Variants in HERC3 observed in about 807,000 individuals in gnomAD.
HERC3 encodes the protein HECT and RLD domain containing E3 ubiquitin protein ligase 3.
Under a neutral mutation model 129.9 loss-of-function variants are expected in HERC3, and 58 were observed. The ratio of observed to expected loss-of-function variants is 0.45; its 90% confidence interval spans 0.36 to 0.56. The LOEUF (loss-of-function observed/expected upper bound fraction) is 0.56, where lower values mean the gene tolerates loss of function less well. Ranked by LOEUF, HERC3 falls within the 20% of genes least tolerant of loss-of-function variation. The pLI is 0.00. For synonymous variants in HERC3, 430 were observed against 451.0 expected, an observed-to-expected ratio of 0.95 and a Z score of 0.59; for missense variants, 835 against 1,244.2, an observed-to-expected ratio of 0.67 and a Z score of 4.95.
At chr4:88,693,398 C>A (rs1230166386) in intron 23 of HERC3, 2 of 972,668 alleles carry the variant, frequency 2.1e-6, no homozygotes, top group Non-Finnish European at 2.4e-6. Flanking sequence ...GTCATTATCA[C>A]CATTTCATCC....
chr4:88,524,946 C>A, the HERC3 span: 2 of 152,062 alleles, frequency 1.3e-5, no homozygotes, highest in Admixed American at 6.5e-5. Flanking sequence ...TTCTCTTCCA[C>A]TCCAATGTAA....
chr4:88,617,906 G>A (rs1251387684), intron 3 of HERC3, among the ~76,000 whole-genome samples: 1 of 151,888 alleles, frequency 6.6e-6, no homozygotes, highest in Non-Finnish European at 1.5e-5. Flanking sequence ...AGGGAGTGCA[G>A]AAAAGTGGGG....
Position 88,669,841 on chromosome 4 carries a change from C to G in HERC3, c.1634-19C>G, listed in dbSNP as rs747791459. 5.6e-6 allele frequency: 9 copies of G among 1,601,940 alleles called. No individual in the cohort carries two copies. The African/African-American group carries it at 9.4e-5, about 17-fold the overall frequency. ...CCCAAGATTACATGTTGAAATATGT[C>G]TTTTCTTTCTTTCTAAAGATAACTG... On this transcript the variant is annotated intron_variant, in intron 14 of 25. Transcript: ENST00000402738.
intron 3 of HERC3, among the ~76,000 whole-genome samples, chr4:88,608,146 G>T (rs568193233): frequency 1.3e-4 from 20 of 152,124 alleles, no homozygotes; most frequent in Non-Finnish European, 2.8e-4. Context: ...ATGTTCCGTA[G>T]TTTCCCTGCC....
intron 3 of HERC3, among the ~76,000 whole-genome samples, chr4:88,645,148 G>T (rs1422851810): frequency 6.6e-6 from 1 of 152,138 alleles, no homozygotes; most frequent in Non-Finnish European, 1.5e-5. Flanking sequence ...TGGGTTGATA[G>T]TATTTTGGAG....
At chr4:88,550,337 T>C in the HERC3 span, among the ~76,000 whole-genome samples, 8 of 152,160 alleles carry the variant, frequency 5.3e-5, no homozygotes, top group African/African-American at 1.9e-4. Flanking sequence ...AAAGAGGAAG[T>C]CAAACTGTCC....
chr4:88,646,468 A>G (rs1226255842), intron 3 of HERC3, among the ~76,000 whole-genome samples: 1 of 152,216 alleles, frequency 6.6e-6, no homozygotes, highest in Non-Finnish European at 1.5e-5. Flanking sequence ...TAAAAACTTT[A>G]AAGTGTTGCT....
the HERC3 span, among the ~76,000 whole-genome samples, chr4:88,547,471 C>T: frequency 6.6e-6 from 1 of 152,122 alleles, no homozygotes; most frequent in East Asian, 1.9e-4. Context: ...TTCATTATCG[C>T]AGAAAGGGAT....
the HERC3 span, among the ~76,000 whole-genome samples, chr4:88,567,080 T>A: frequency 0.17 from 25,150 of 152,222 alleles, 2,380 homozygotes; most frequent in Admixed American, 0.25. Flanking sequence ...TAAGCCACCA[T>A]ACCTGGCTTC....
chr4:88,706,531 T>C (rs941140748), intron 25 of HERC3, among the ~76,000 whole-genome samples: 1 of 152,198 alleles, frequency 6.6e-6, no homozygotes, highest in African/African-American at 2.4e-5. Context: ...TTTGATTTTG[T>C]GAAATCTAAC....
At chr4:88,625,200 A>G (rs908649552) in intron 3 of HERC3, among the ~76,000 whole-genome samples, 5 of 151,880 alleles carry the variant, frequency 3.3e-5, no homozygotes, top group African/African-American at 7.3e-5. Flanking sequence ...TTGATTTTGC[A>G]TGTAAGAGCA....
chr4:88,671,276 T>C (rs551320848), intron 16 of HERC3, among the ~76,000 whole-genome samples: 23 of 152,248 alleles, frequency 1.5e-4, no homozygotes, highest in Middle Eastern at 3.4e-3. Flanking sequence ...GGTGAGTCCT[T>C]GCCAGTGTAG....
chr4:88,636,930 G>T (rs1727477741), intron 3 of HERC3, among the ~76,000 whole-genome samples: 1 of 152,052 alleles, frequency 6.6e-6, no homozygotes, highest in South Asian at 2.1e-4. Flanking sequence ...GAGCTCAGGA[G>T]TTCAGCCTGG....
chr4:88,706,608 C>T, intron 25 of HERC3, 144 bp from the exon 26 acceptor site: 1 of 629,554 alleles, frequency 1.6e-6, no homozygotes, highest in Non-Finnish European at 2.8e-6. Context: ...TTTCATTCCA[C>T]AGGATGCATA....
At chr4:88,651,152 T>C (rs1412836474) in intron 4 of HERC3, among the ~76,000 whole-genome samples, 3 of 152,202 alleles carry the variant, frequency 2.0e-5, no homozygotes, top group African/African-American at 7.2e-5. Flanking sequence ...ATAACATTAA[T>C]GGCAAAAATA....
intron 3 of HERC3, among the ~76,000 whole-genome samples, chr4:88,617,519 C>T (rs916300743): frequency 6.6e-6 from 1 of 152,176 alleles, no homozygotes; most frequent in Non-Finnish European, 1.5e-5. Flanking sequence ...GTAGATTGTG[C>T]TGATTGAAAC....
chr4:88,635,856 A>G (rs1051839449), intron 3 of HERC3, among the ~76,000 whole-genome samples: 2 of 152,198 alleles, frequency 1.3e-5, no homozygotes, highest in Non-Finnish European at 2.9e-5. Flanking sequence ...AACATTTTTA[A>G]AGAAAACAAT....
chr4:88,573,511 T>C, the HERC3 span, among the ~76,000 whole-genome samples: 12 of 152,206 alleles, frequency 7.9e-5, no homozygotes, highest in African/African-American at 2.9e-4. Context: ...GGATAGATGA[T>C]AGGATGGTGA....
intron 3 of HERC3, among the ~76,000 whole-genome samples, chr4:88,617,883 A>G (rs28449317): frequency 6.9e-6 from 1 of 144,624 alleles, no homozygotes; most frequent in Admixed American, 7.0e-5. Context: ...GGAAAAAAAA[A>G]GAAAAAAAAA....
Sources: gnomAD v4.1 joint callset for allele counts (sites outside exome capture counted in the v4.1 genomes callset) on GRCh38, gnomAD v4.1.1 for gene constraint, MANE v1.5 for transcripts, NCBI Gene and HGNC (gene_info 2026-07-23, HGNC 2026-07-21) for gene names.